ADCY8: variants seen among roughly 807,000 people sequenced by gnomAD.
ADCY8 encodes the protein adenylate cyclase type 8.
A neutral mutation model predicts 119.7 loss-of-function variants in ADCY8; 51 were observed. The ratio of observed to expected loss-of-function variants is 0.43; its 90% CI spans 0.34 to 0.54. The LOEUF (loss-of-function observed/expected upper bound fraction) is 0.54, where lower values mean the gene tolerates loss of function less well. Ranked by LOEUF, ADCY8 falls within the 20% of genes least tolerant of loss-of-function variation. ADCY8 has a pLI of 0.03. For synonymous variants in ADCY8, 665 were observed against 651.0 expected (o/e 1.02, Z -0.33); for missense variants, 1,383 against 1,598.8 (o/e 0.87, Z 2.30).
intron 4 of ADCY8, among the ~76,000 whole-genome samples, chr8:130,938,673 A>C (rs1011962489): frequency 5.3e-5 from 8 of 152,230 alleles, no homozygotes; most frequent in African/African-American, 1.9e-4. Flanking sequence ...GGATAAGTAA[A>C]TATACTATCC....
chr8:130,858,178 T>C (rs1447217739), intron 9 of ADCY8, among the ~76,000 whole-genome samples: 1 of 126,060 alleles, frequency 7.9e-6, no homozygotes, highest in East Asian at 2.1e-4. Flanking sequence ...CCAAAATTGT[T>C]TTTTAAAAAA....
intron 1 of ADCY8, among the ~76,000 whole-genome samples, chr8:131,015,146 G>A (rs552796424): frequency 1.3e-5 from 2 of 152,272 alleles, no homozygotes; most frequent in African/African-American, 4.8e-5. Context: ...TTTGGTGAGA[G>A]CAGGAACAAC....
intron 2 of ADCY8, among the ~76,000 whole-genome samples, chr8:130,987,506 T>C (rs1264462034): frequency 6.6e-6 from 1 of 152,260 alleles, no homozygotes; most frequent in African/African-American, 2.4e-5. Flanking sequence ...TACCATGAGA[T>C]AAAAATCATG....
chr8:130,822,743 T>C (rs914118182), intron 12 of ADCY8, among the ~76,000 whole-genome samples: 2 of 152,236 alleles, frequency 1.3e-5, no homozygotes, highest in African/African-American at 4.8e-5. Context: ...AGGTTTGGAC[T>C]CGTGAAGATC....
chr8:130,846,581 C>CCTCCCTTCCTT (rs1817306524), intron 11 of ADCY8, among the ~76,000 whole-genome samples: 2 of 124,148 alleles, frequency 1.6e-5, no homozygotes, highest in African/African-American at 6.9e-5. Flanking sequence ...CCCCTTCTTC[C>CCTCCCTTCCTT]CCTCCCTCCC....
At chr8:130,857,737 G>T (rs1817792543) in intron 9 of ADCY8, among the ~76,000 whole-genome samples, 1 of 152,012 alleles carries the variant, frequency 6.6e-6, no homozygotes, top group South Asian at 2.1e-4. Flanking sequence ...ATTATGGGTT[G>T]GAATATGATG....
At chr8:130,978,152 G>C (rs1054314148) in intron 2 of ADCY8, among the ~76,000 whole-genome samples, 3 of 152,106 alleles carry the variant, frequency 2.0e-5, no homozygotes, top group Non-Finnish European at 2.9e-5. Flanking sequence ...TCAGCACAAG[G>C]CATCATATGT....
At chr8:130,865,859 G>A (rs1818100120) in intron 9 of ADCY8, among the ~76,000 whole-genome samples, 1 of 152,084 alleles carries the variant, frequency 6.6e-6, no homozygotes, top group Non-Finnish European at 1.5e-5. Context: ...AGTTTCACGA[G>A]TTCATAGTGT....
chr8:131,012,340 AG>A (rs1823334768), intron 1 of ADCY8, among the ~76,000 whole-genome samples: 1 of 152,210 alleles, frequency 6.6e-6, no homozygotes, highest in Non-Finnish European at 1.5e-5. Flanking sequence ...CAGAGGTACT[AG>A]TGGAGTGTGA....
chr8:131,013,361 C>T (rs529936241), intron 1 of ADCY8, among the ~76,000 whole-genome samples: 14 of 152,132 alleles, frequency 9.2e-5, no homozygotes, highest in Admixed American at 2.6e-4. Flanking sequence ...CCTACAGTGC[C>T]GTAGGGTAAG....
chr8:130,798,681 T>C (rs374227084), intron 15 of ADCY8, among the ~76,000 whole-genome samples: 15 of 152,130 alleles, frequency 9.9e-5, no homozygotes, highest in East Asian at 7.7e-4. Flanking sequence ...AGATAGGACA[T>C]GACTGCAGTT....
chr8:130,971,522 A>C (rs1821921821), intron 2 of ADCY8, among the ~76,000 whole-genome samples: 1 of 152,194 alleles, frequency 6.6e-6, no homozygotes, highest in African/African-American at 2.4e-5. Context: ...CATTCATTAA[A>C]TATTTTTTCA....
chr8:130,794,219 A>G (rs1322007585), intron 15 of ADCY8, among the ~76,000 whole-genome samples: 1 of 152,080 alleles, frequency 6.6e-6, no homozygotes, highest in Non-Finnish European at 1.5e-5. Flanking sequence ...GGAATTGTGA[A>G]AGAATGCATT....
chr8:130,796,679 G>A (rs1208016707), intron 15 of ADCY8, among the ~76,000 whole-genome samples: 1 of 152,004 alleles, frequency 6.6e-6, no homozygotes, highest in African/African-American at 2.4e-5. Flanking sequence ...GAGTGTTTGG[G>A]CTGGCAATTC....
chr8:130,932,477 C>A (rs934716378), intron 5 of ADCY8, among the ~76,000 whole-genome samples: 4 of 152,136 alleles, frequency 2.6e-5, no homozygotes, highest in African/African-American at 9.7e-5. Context: ...GTCCTATGCC[C>A]ACTTCCTTCT....
chr8:130,796,345 G>T (rs1217062189), intron 15 of ADCY8, among the ~76,000 whole-genome samples: 2 of 152,196 alleles, frequency 1.3e-5, no homozygotes, highest in African/African-American at 2.4e-5. Context: ...AGTCAGATGT[G>T]AGAGGGCTCT....
chr8:131,012,957 C>A (rs892821733), intron 1 of ADCY8, among the ~76,000 whole-genome samples: 17 of 152,216 alleles, frequency 1.1e-4, no homozygotes, highest in African/African-American at 4.1e-4. Flanking sequence ...CTTTGAACAA[C>A]TAACAAATGT....
chr8:130,823,035 T>A (rs1816568471), intron 12 of ADCY8, among the ~76,000 whole-genome samples: 1 of 152,150 alleles, frequency 6.6e-6, no homozygotes, highest in Non-Finnish European at 1.5e-5. Context: ...TGCGTTCAGC[T>A]CCTCCTTGTG....
At chr8:130,855,113 CTCTCT>C (rs143127684) in intron 9 of ADCY8, among the ~76,000 whole-genome samples, 20,328 of 138,270 alleles carry the variant, frequency 0.15, 1,469 homozygotes, top group Middle Eastern at 0.21. Flanking sequence ...CTCTCTCTCT[CTCTCT>C]TTTTTTTTTT....
Sources: allele counts gnomAD v4.1 joint callset (sites outside exome capture counted in the v4.1 genomes callset), GRCh38; gene constraint gnomAD v4.1.1; transcripts MANE v1.5; gene names NCBI Gene and HGNC (gene_info 2026-07-23, HGNC 2026-07-21).